STAG1: variants seen among roughly 807,000 people sequenced by gnomAD.
STAG1 encodes STAG1 cohesin complex component.
A neutral mutation model predicts 170.9 loss-of-function variants in STAG1; 26 were observed. That is an observed-to-expected ratio of 0.15 (90% CI 0.11 to 0.21). The LOEUF is 0.21. Among genes scored for constraint, STAG1 ranks in the 10% least tolerant of loss-of-function variants. The pLI is 1.00. For missense variants in STAG1, 964 were observed against 1,509.5 expected, an observed-to-expected ratio of 0.64 and a Z score of 5.99; for synonymous variants, 514 against 497.7, an observed-to-expected ratio of 1.03 and a Z score of -0.44.
intron 1 of STAG1, among the ~76,000 whole-genome samples, chr3:136,690,454 C>T (rs954750494): frequency 6.6e-6 from 1 of 152,214 alleles, no homozygotes; most frequent in African/African-American, 2.4e-5. Flanking sequence ...GCAGGCTGGT[C>T]TCAAACTCCT....
At chr3:136,376,349 A>T (rs9832056) in intron 23 of STAG1, among the ~76,000 whole-genome samples, 10,399 of 152,240 alleles carry the variant, frequency 0.068, 412 homozygotes, top group East Asian at 0.13. Flanking sequence ...TTACAAAATC[A>T]TATCATGGAA....
intron 9 of STAG1, among the ~76,000 whole-genome samples, chr3:136,478,567 T>C (rs1480560880): frequency 6.6e-6 from 1 of 152,192 alleles, no homozygotes; most frequent in Admixed American, 6.5e-5. Context: ...AATTATCCAA[T>C]TTACAAAAGG....
At chr3:136,730,366 T>A (rs1019518267) in intron 1 of STAG1, among the ~76,000 whole-genome samples, 2 of 152,140 alleles carry the variant, frequency 1.3e-5, no homozygotes, top group Admixed American at 6.6e-5. Flanking sequence ...GAACCCAAGG[T>A]TTTTTGTTTT....
At chr3:136,558,968 T>C (rs1018609603) in intron 5 of STAG1, among the ~76,000 whole-genome samples, 1 of 152,196 alleles carries the variant, frequency 6.6e-6, no homozygotes, top group Admixed American at 6.5e-5. Flanking sequence ...TGGGAAACTT[T>C]TGCAGACATT....
chr3:136,647,714 C>T (rs1941081307), intron 1 of STAG1, among the ~76,000 whole-genome samples: 1 of 152,208 alleles, frequency 6.6e-6, no homozygotes, highest in Non-Finnish European at 1.5e-5. Flanking sequence ...CCAACTATCC[C>T]TTATCACTTA....
At chr3:136,534,569 G>T (rs899826399) in intron 6 of STAG1, among the ~76,000 whole-genome samples, 2 of 151,434 alleles carry the variant, frequency 1.3e-5, no homozygotes. Flanking sequence ...AAACATAATC[G>T]CATTAAAAAG....
chr3:136,613,876 G>C (rs1939442763), intron 3 of STAG1, among the ~76,000 whole-genome samples: 1 of 152,140 alleles, frequency 6.6e-6, no homozygotes, highest in South Asian at 2.1e-4. Context: ...CTTTATATGT[G>C]CACTGTCCAA....
chr3:136,588,285 G>C (rs779287770), intron 4 of STAG1, among the ~76,000 whole-genome samples: 2 of 152,050 alleles, frequency 1.3e-5, no homozygotes, highest in Non-Finnish European at 2.9e-5. Flanking sequence ...CCCGCCACCC[G>C]CCACTGCTAT....
At chr3:136,698,692 G>A (rs1409329619) in intron 1 of STAG1, among the ~76,000 whole-genome samples, 1 of 152,170 alleles carries the variant, frequency 6.6e-6, no homozygotes, top group African/African-American at 2.4e-5. Flanking sequence ...GATTCCGTTT[G>A]TATGGGTATC....
chr3:136,666,639 G>A (rs1941789448), intron 1 of STAG1, among the ~76,000 whole-genome samples: 2 of 152,030 alleles, frequency 1.3e-5, no homozygotes, highest in African/African-American at 4.8e-5. Context: ...CCAACATGGC[G>A]AAACCCCATC....
chr3:136,586,472 T>C (rs1029029969), intron 4 of STAG1, among the ~76,000 whole-genome samples: 2 of 152,142 alleles, frequency 1.3e-5, no homozygotes, highest in Admixed American at 1.3e-4. Context: ...AGAAAAATAA[T>C]AACATCAATA....
intron 1 of STAG1, among the ~76,000 whole-genome samples, chr3:136,674,146 G>GGGGGGAGA (rs1942059361): frequency 1.4e-5 from 1 of 69,554 alleles, no homozygotes; most frequent in Non-Finnish European, 3.0e-5. Context: ...AAGGAAGGAG[G>GGGGGGAGA]GAGGGAGAGA....
chr3:136,432,704 A>C lies in STAG1; in HGVS notation c.1650+852T>G, dbSNP rs1576460732. ...GTATTTTTAGTAGAGACGGGGTTTC[A>C]CTATGTTGGCCAGGCTGGTCTTGAA... On this transcript the variant is annotated intron_variant, in intron 16 of 33. Transcript: ENST00000383202. Among the ~76,000 whole-genome samples the C allele has an allele frequency of 3.9e-5, 6 of 152,120 alleles. No homozygotes were observed. In the South Asian group the frequency reaches 1.2e-3, roughly 32 times the overall value.
chr3:136,439,604 T>G (rs1167192927), intron 15 of STAG1, among the ~76,000 whole-genome samples: 1 of 151,808 alleles, frequency 6.6e-6, no homozygotes, highest in Non-Finnish European at 1.5e-5. Flanking sequence ...AAAATTACTT[T>G]AAAAAAAAGT....
At chr3:136,522,536 TTTC>T (rs1358109834) in intron 6 of STAG1, among the ~76,000 whole-genome samples, 1 of 70,662 alleles carries the variant, frequency 1.4e-5, no homozygotes, top group Non-Finnish European at 4.0e-5. Flanking sequence ...CTCTTGTTTT[TTTC>T]TTTTTTTGCT....
At chr3:136,549,252 C>T (rs2107735603) in intron 5 of STAG1, among the ~76,000 whole-genome samples, 1 of 152,138 alleles carries the variant, frequency 6.6e-6, no homozygotes, top group South Asian at 2.1e-4. Context: ...GATGTTGCAT[C>T]CTGTTACTTT....
At chr3:136,455,504 C>A (rs2089083608) in intron 13 of STAG1, among the ~76,000 whole-genome samples, 1 of 152,216 alleles carries the variant, frequency 6.6e-6, no homozygotes, top group African/African-American at 2.4e-5. Flanking sequence ...CACTCCAGTT[C>A]CATCCCACGG....
At chr3:136,447,595 C>CTTTTTTTTTTTTTT (rs1559806771) in intron 14 of STAG1, among the ~76,000 whole-genome samples, 2 of 121,414 alleles carry the variant, frequency 1.6e-5, no homozygotes, top group African/African-American at 3.2e-5. Context: ...AAAAGCATCA[C>CTTTTTTTTTTTTTT]ATTTTTTTTT....
intron 6 of STAG1, among the ~76,000 whole-genome samples, chr3:136,525,346 T>G (rs562268212): frequency 6.6e-4 from 101 of 152,318 alleles, no homozygotes; most frequent in African/African-American, 2.2e-3. Context: ...GTCCAGGAAT[T>G]TATCCATTTC....
Sources: gnomAD v4.1 joint callset for allele counts (sites outside exome capture counted in the v4.1 genomes callset) on GRCh38, gnomAD v4.1.1 for gene constraint, MANE v1.5 for transcripts, NCBI Gene and HGNC (gene_info 2026-07-23, HGNC 2026-07-21) for gene names.